Variants in MAS1 observed in about 807,000 individuals in gnomAD.
The protein encoded by MAS1 is MAS1 proto-oncogene, G protein-coupled receptor, also known as proto-oncogene Mas.
For missense variants in MAS1, 387 were observed against 409.7 expected (o/e 0.94, Z 0.48); for synonymous variants, 163 against 164.2 (o/e 0.99, Z 0.05).
In MAS1 at chr6:159,910,101, C is replaced by G. The variant is rs2115122071; in HGVS notation, c.*2168C>G. ...CATTTGTATCCTTTAGGCATTCAGA[C>G]AATTTGCCTAAGTCATTGTAGGTTA... On this transcript the variant is annotated 3_prime_UTR_variant, in exon 3 of 3. Transcript: ENST00000674077. 6.6e-6 allele frequency: 1 copy of G among 152,334 alleles called. No homozygotes were observed. The highest frequency in any genetic ancestry group is 2.1e-4 in the South Asian group (1 of 4,830). 9.4% of individuals were successfully genotyped at this position (152,334 alleles called of 1,614,324 possible).
chr6:159,893,180 C>T (rs1456169766), intron 1 of MAS1, among the ~76,000 whole-genome samples: 1 of 152,218 alleles, frequency 6.6e-6, no homozygotes, highest in East Asian at 1.9e-4. Context: ...CATGGTCACC[C>T]TGGCTTATGG....
At position 159,899,664 on chromosome 6, in the gene MAS1, A is replaced by G. The variant is rs556349466; in HGVS notation, c.-37+272A>G. 7.9e-5 allele frequency among the ~76,000 whole-genome samples: 12 copies of G among 152,320 alleles called. No homozygotes were observed. The South Asian group carries it at 2.3e-3, about 29-fold the overall frequency. ...TGAGGTGGGAGGATCACTTGAGCCC[A>G]GGAAGTCAAGGCTGCAGTGAGCTAT... On this transcript the variant is annotated intron_variant, in intron 2 of 2. Coordinates refer to ENST00000674077, the MANE Select transcript of MAS1 (RefSeq NM_002377.4).
Position 159,914,014 on chromosome 6 carries a change from A to G in MAS1, c.*6081A>G, listed in dbSNP as rs1782993747. ...GACTTACAGATCTTACCCAACATGA[A>G]ACTAATGATTCAAATGATAAGAGGC... On this transcript the variant is annotated 3_prime_UTR_variant, in exon 3 of 3. Transcript: ENST00000674077. 6.6e-6 allele frequency: 1 copy of G among 152,246 alleles called. No homozygotes were observed. Among genetic ancestry groups the G allele is most frequent in the Non-Finnish European group, 1.5e-5 (1 of 68,050 alleles). 9.4% of individuals were successfully genotyped at this position (152,246 alleles called of 1,614,324 possible).
Position 159,908,365 on chromosome 6 carries a change from G to A in MAS1, c.*432G>A, listed in dbSNP as rs1782923926. ...CACTCATAAAATGGTTGCGGCAATA[G>A]TCTATACCTCCTTGGTCTGCTGTGA... On this transcript the variant is annotated 3_prime_UTR_variant, in exon 3 of 3. Transcript: ENST00000674077. 1 of 153,576 alleles carries A rather than the reference G, an allele frequency of 6.5e-6. No individual in the cohort carries two copies. The highest frequency in any genetic ancestry group is 1.4e-5 in the Non-Finnish European group (1 of 69,176). 9.5% of individuals were successfully genotyped at this position (153,576 alleles called of 1,614,324 possible).
chr6:159,900,791 C>T (rs1260000776), intron 2 of MAS1, among the ~76,000 whole-genome samples: 4 of 152,074 alleles, frequency 2.6e-5, no homozygotes, highest in Non-Finnish European at 5.9e-5. Context: ...TTATAATGGG[C>T]TTTATTTCTT....
intron 2 of MAS1, chr6:159,902,009 C>T (rs936256905): frequency 1.3e-5 from 2 of 151,524 alleles, no homozygotes; most frequent in African/African-American, 4.9e-5. Flanking sequence ...GGACAGGCCG[C>T]TTGGGAGAAT....
At position 159,914,582 on chromosome 6, in the gene MAS1, G is replaced by A. The variant is rs768670843; in HGVS notation, c.*6649G>A. On this transcript the variant is annotated 3_prime_UTR_variant, in exon 3 of 3. Transcript: ENST00000674077. ...GTTTCCAGGCCAGGGGAGGGCTCTC[G>A]AGTATACCTAGGCTCGTGGAAAATG... 2.6e-5 allele frequency: 4 copies of A among 152,182 alleles called. No homozygotes were observed. The highest frequency in any genetic ancestry group is 1.3e-4 in the Admixed American group (2 of 15,278). The allele number at this position is 152,182 out of a possible 1,614,324, so 9.4% of individuals were successfully genotyped here. A position where few individuals can be genotyped will look rare whatever the true frequency, so the allele number is the denominator to read the frequency against.
Position 159,915,062 on chromosome 6 carries a change from C to CT in MAS1, c.*7130dup, listed in dbSNP as rs1478046071. On this transcript the variant is annotated 3_prime_UTR_variant, in exon 3 of 3. Coordinates refer to ENST00000674077, the MANE Select transcript of MAS1 (RefSeq NM_002377.4). ...GTTCTTGTCTTTGAATAGTTGGAAT[C>CT]TATTTCTGTGGGGGGAATGGTTCCA... 1 of 152,192 alleles carries CT rather than the reference C, an allele frequency of 6.6e-6. No individual in the cohort carries two copies. The highest frequency in any genetic ancestry group is 1.5e-5 in the Non-Finnish European group (1 of 68,044). 9.4% of individuals were successfully genotyped at this position (152,192 alleles called of 1,614,324 possible). A position where few individuals can be genotyped will look rare whatever the true frequency, so the allele number is the denominator to read the frequency against.
intron 1 of MAS1, among the ~76,000 whole-genome samples, chr6:159,896,117 T>C (rs1782751535): frequency 6.6e-6 from 1 of 151,952 alleles, no homozygotes; most frequent in Non-Finnish European, 1.5e-5. Flanking sequence ...GAGACCATCC[T>C]GGGCAACATG....
upstream of MAS1, among the ~76,000 whole-genome samples, chr6:159,889,686 C>T (rs984924946): frequency 1.3e-5 from 2 of 152,170 alleles, no homozygotes; most frequent in Non-Finnish European, 2.9e-5. Context: ...CTTCTCCTTC[C>T]TTGGAGCATC....
intron 2 of MAS1, among the ~76,000 whole-genome samples, chr6:159,901,601 CT>C (rs983902130): frequency 6.6e-6 from 1 of 151,416 alleles, no homozygotes; most frequent in East Asian, 1.9e-4. Flanking sequence ...TATCTCTAAA[CT>C]TTTTTTTTAA....
At position 159,898,594 on chromosome 6, in the gene MAS1, C is replaced by T. The variant is rs576967421; in HGVS notation, c.-243-592C>T. Among the ~76,000 whole-genome samples the T allele has an allele frequency of 8.3e-4, 116 of 139,766 alleles. 1 individual carries two copies. The highest frequency in any genetic ancestry group is 2.9e-3 in the African/African-American group (110 of 37,916). The allele number at this position is 139,766 out of a possible 152,430, so 91.7% of individuals were successfully genotyped here. On this transcript the variant is annotated intron_variant, in intron 1 of 2. Transcript: ENST00000674077. Reference sequence around the variant, plus strand: ...CTACCTCCTCTTCCTTTTCCCTGTTCCTCCTTCCTCTTCCTCCTCCTTCCT... The same window carrying T: ...CTACCTCCTCTTCCTTTTCCCTGTTTCTCCTTCCTCTTCCTCCTCCTTCCT...
At chr6:159,902,546 A>G (rs573250935) in intron 2 of MAS1, 1 of 152,364 alleles carries the variant, frequency 6.6e-6, no homozygotes, top group African/African-American at 2.4e-5. Context: ...GTATGTTATT[A>G]AAATGGATTT....
Position 159,912,000 on chromosome 6 carries a change from C to G in MAS1, c.*4067C>G, listed in dbSNP as rs1238641809. On this transcript the variant is annotated 3_prime_UTR_variant, in exon 3 of 3. Transcript: ENST00000674077. The stretch of plus-strand genomic sequence containing the variant: ...TCTGTCCTGCACCATCAATTTCAGT[C>G]CAGGATAACGGAGGACAGAATTTTC... 1 of 152,288 alleles carries G rather than the reference C, an allele frequency of 6.6e-6. No individual in the cohort carries two copies. Among genetic ancestry groups the G allele is most frequent in the Non-Finnish European group, 1.5e-5 (1 of 68,108 alleles). 9.4% of individuals were successfully genotyped at this position (152,288 alleles called of 1,614,324 possible).
rs542319437 is a variant in MAS1 at position 159,898,931 on chromosome 6, G to A, written c.-243-255G>A. On this transcript the variant is annotated intron_variant, in intron 1 of 2. Transcript: ENST00000674077. ...GTTTCTGGGCACTACAGCCCTGCAGGACCCAGGGAGCACCAGACACACTGG... is the reference window on the plus strand; with the variant it reads ...GTTTCTGGGCACTACAGCCCTGCAGAACCCAGGGAGCACCAGACACACTGG... 3.5e-3 allele frequency among the ~76,000 whole-genome samples: 532 copies of A among 152,288 alleles called. 2 individuals are homozygous for A. The highest frequency in any genetic ancestry group is 0.011 in the African/African-American group (450 of 41,560).
chr6:159,908,029 A>T lies in MAS1; in HGVS notation c.*96A>T. On this transcript the variant is annotated 3_prime_UTR_variant, in exon 3 of 3. Coordinates refer to ENST00000674077, the MANE Select transcript of MAS1 (RefSeq NM_002377.4). ...CTTAAGTATCTCCTAAATGTGATAC[A>T]GAAGAACATCTCATCCCATATGCAT... 1 of 1,356,274 alleles carries T rather than the reference A, an allele frequency of 7.4e-7. No individual in the cohort carries two copies. Among genetic ancestry groups the T allele is most frequent in the Middle Eastern group, 2.1e-4 (1 of 4,684 alleles). 84.0% of individuals were successfully genotyped at this position (1,356,274 alleles called of 1,614,324 possible). A position where few individuals can be genotyped will look rare whatever the true frequency, so the allele number is the denominator to read the frequency against.
rs1782986382 is a variant in MAS1 at position 159,913,379 on chromosome 6, A to G, written c.*5446A>G. On this transcript the variant is annotated 3_prime_UTR_variant, in exon 3 of 3. Coordinates refer to ENST00000674077, the MANE Select transcript of MAS1 (RefSeq NM_002377.4). ...CTCCGTCTCAAAAAAAAGAAAAATT[A>G]TGCCAAAAAATTAAGTACTTTTGTG... 1.3e-5 allele frequency: 2 copies of G among 152,234 alleles called. No homozygotes were observed. Among genetic ancestry groups the G allele is most frequent in the Non-Finnish European group, 2.9e-5 (2 of 68,050 alleles). The allele number at this position is 152,234 out of a possible 1,614,324, so 9.4% of individuals were successfully genotyped here.
At chr6:159,900,024 C>T (rs1403411275) in intron 2 of MAS1, among the ~76,000 whole-genome samples, 1 of 151,866 alleles carries the variant, frequency 6.6e-6, no homozygotes, top group Non-Finnish European at 1.5e-5. Flanking sequence ...CCAGCCTGGG[C>T]GATAGAATGA....
rs1280460399 is a variant in MAS1 at position 159,908,122 on chromosome 6, T to C, written c.*189T>C. Reference sequence around the variant, plus strand: ...TTCTGGAAATGACCTGTCATTTCTGTACTTGACAAAGACTCTATTTCTTTC... The same window carrying C: ...TTCTGGAAATGACCTGTCATTTCTGCACTTGACAAAGACTCTATTTCTTTC... On this transcript the variant is annotated 3_prime_UTR_variant, in exon 3 of 3. Transcript: ENST00000674077. 1 of 558,122 alleles carries C rather than the reference T, an allele frequency of 1.8e-6. No individual in the cohort carries two copies. The highest frequency in any genetic ancestry group is 2.9e-6 in the Non-Finnish European group (1 of 342,604). 34.6% of individuals were successfully genotyped at this position (558,122 alleles called of 1,614,324 possible). A position where few individuals can be genotyped will look rare whatever the true frequency, so the allele number is the denominator to read the frequency against.
Sources: allele counts gnomAD v4.1 joint callset (sites outside exome capture counted in the v4.1 genomes callset), GRCh38; gene constraint gnomAD v4.1.1; transcripts MANE v1.5; gene names NCBI Gene and HGNC (gene_info 2026-07-23, HGNC 2026-07-21).